Variants in ULK4 observed in about 807,000 individuals in gnomAD.
ULK4 encodes the protein unc-51 like kinase 4.
A neutral mutation model predicts 160.6 loss-of-function variants in ULK4; 133 were observed. The observed-to-expected ratio is 0.83, with a 90% confidence interval of 0.72 to 0.96. ULK4 has a LOEUF of 0.96. Ranked by LOEUF, ULK4 falls within the 40% of genes least tolerant of loss-of-function variation. The probability of loss-of-function intolerance (pLI) is 0.00; values close to 1 mark genes in which losing one functional copy is unlikely to be tolerated. For missense variants in ULK4, 1,580 were observed against 1,499.5 expected (o/e 1.05, Z -0.89); for synonymous variants, 534 against 539.8 (o/e 0.99, Z 0.15).
intron 21 of ULK4, among the ~76,000 whole-genome samples, chr3:41,773,906 G>C (rs1264924709): frequency 6.6e-6 from 1 of 152,152 alleles, no homozygotes; most frequent in Non-Finnish European, 1.5e-5. Context: ...AGAGCCCTCA[G>C]AAATAATGCC....
At chr3:41,794,660 CAAAAAAAAAA>C (rs71075484) in intron 20 of ULK4, among the ~76,000 whole-genome samples, 16 of 18,996 alleles carry the variant, frequency 8.4e-4, no homozygotes, top group Admixed American at 2.6e-3. Context: ...GACTCTGTCT[CAAAAAAAAAA>C]AAAAAAAAAA....
intron 17 of ULK4, among the ~76,000 whole-genome samples, chr3:41,858,206 A>AGC (rs1443980947): frequency 1.6e-5 from 2 of 128,914 alleles, no homozygotes; most frequent in Non-Finnish European, 3.1e-5. Flanking sequence ...GCTGGAGTGC[A>AGC]GCGGTGTGAT....
intron 32 of ULK4, among the ~76,000 whole-genome samples, chr3:41,532,314 TTTTA>T (rs2086347749): frequency 6.6e-6 from 1 of 152,312 alleles, no homozygotes; most frequent in South Asian, 2.1e-4. Context: ...TGTCTCAAGC[TTTTA>T]TTTAACAATC....
At chr3:41,422,971 C>G (rs1322981857) in intron 34 of ULK4, among the ~76,000 whole-genome samples, 1 of 152,078 alleles carries the variant, frequency 6.6e-6, no homozygotes, top group Non-Finnish European at 1.5e-5. Context: ...ATTGTACATT[C>G]ATACTATAAA....
rs185533235 is a variant in ULK4, at chr3:41,678,677, T to C, written c.2978+2831A>G. 3.4e-3 allele frequency among the ~76,000 whole-genome samples: 514 copies of C among 152,364 alleles called. 1 individual carries two copies. The highest frequency in any genetic ancestry group is 0.012 in the African/African-American group (498 of 41,580). The stretch of plus-strand genomic sequence containing the variant: ...GGTGCTATTGTTTGCAAATAAAGTC[T>C]TGACTAATACAATACTTCCCTGTGC... On this transcript the variant is annotated intron_variant, in intron 29 of 36. Transcript: ENST00000301831.
chr3:41,869,692 A>G (rs1329657428), intron 17 of ULK4, among the ~76,000 whole-genome samples: 1 of 152,230 alleles, frequency 6.6e-6, no homozygotes, highest in Non-Finnish European at 1.5e-5. Flanking sequence ...AACCCTTTGT[A>G]CAACTGCTGT....
rs149415540 is a variant in ULK4, at chr3:41,381,281, C to T, written c.3678+16798G>A. Among the ~76,000 whole-genome samples, 365 of 152,268 alleles carry T rather than the reference C, an allele frequency of 2.4e-3. 2 individuals are homozygous for T. The highest frequency in any genetic ancestry group is 0.015 in the East Asian group (78 of 5,156). ...CTTGATTCACTCTCCTCATTTTAAC[C>T]TATACCTGGTCACTACCATTAACTG... On this transcript the variant is annotated intron_variant, in intron 35 of 36. Transcript: ENST00000301831.
chr3:41,919,792 C>T lies in ULK4; in HGVS notation c.568G>A (p.Val190Ile). 6 of 1,614,054 alleles carry T rather than the reference C, an allele frequency of 3.7e-6. No homozygotes were observed. The highest frequency in any genetic ancestry group is 5.1e-6 in the Non-Finnish European group (6 of 1,179,946). Residue 190 changes from valine to isoleucine, a missense_variant, in exon 6 of 37, where the codon GTT (valine) becomes ATT (isoleucine). Val to Ile is a conservative substitution (Grantham distance 29, BLOSUM62 3). Coordinates refer to ENST00000301831, the MANE Select transcript of ULK4 (RefSeq NM_017886.4). ...KGSPVYTAPE[V>I]VRGADFSISS... ...ATGGAAAAGTCAGCACCCCTCACAA[C>T]TTCTGGTGCTGTATATACAGGAGAT...
At chr3:41,649,735 C>T (rs1424783776) in intron 30 of ULK4, among the ~76,000 whole-genome samples, 1 of 152,194 alleles carries the variant, frequency 6.6e-6, no homozygotes, top group South Asian at 2.1e-4. Flanking sequence ...AACAGCCTGG[C>T]CCACCATGGA....
At chr3:41,712,361 C>T (rs1407687023) in intron 25 of ULK4, among the ~76,000 whole-genome samples, 1 of 152,136 alleles carries the variant, frequency 6.6e-6, no homozygotes, top group Admixed American at 6.5e-5. Flanking sequence ...TCCACACCCA[C>T]CCCAAGGCAG....
intron 32 of ULK4, among the ~76,000 whole-genome samples, chr3:41,520,909 T>G (rs567124118): frequency 6.6e-6 from 1 of 152,336 alleles, no homozygotes; most frequent in South Asian, 2.1e-4. Flanking sequence ...ACTGGGTTAT[T>G]TGTTTTTCTC....
chr3:41,448,585 A>T (rs936633711), intron 34 of ULK4, among the ~76,000 whole-genome samples: 1 of 152,202 alleles, frequency 6.6e-6, no homozygotes, highest in Non-Finnish European at 1.5e-5. Flanking sequence ...ACCATGGAGA[A>T]GACAGTAGAG....
At position 41,689,972 on chromosome 3, in the gene ULK4, C is replaced by T. The variant is rs542282794; in HGVS notation, c.2782-8168G>A. On this transcript the variant is annotated intron_variant, in intron 27 of 36. Coordinates refer to ENST00000301831, the MANE Select transcript of ULK4 (RefSeq NM_017886.4). ...ACCCAAAGGATTATAAATCATGCTG[C>T]TATAAAGACACATGCACACGTATGT... Among the ~76,000 whole-genome samples, 764 of 148,704 alleles carry T rather than the reference C, an allele frequency of 5.1e-3. 4 individuals are homozygous for T. The highest frequency in any genetic ancestry group is 8.1e-3 in the Non-Finnish European group (551 of 67,814).
chr3:41,825,885 C>G (rs535633805), intron 18 of ULK4, among the ~76,000 whole-genome samples: 1 of 152,048 alleles, frequency 6.6e-6, no homozygotes, highest in African/African-American at 2.4e-5. Context: ...AAATGAAGAA[C>G]AAAATGTTAA....
chr3:41,712,589 T>C (rs969931085), intron 25 of ULK4, among the ~76,000 whole-genome samples: 1 of 152,222 alleles, frequency 6.6e-6, no homozygotes, highest in Non-Finnish European at 1.5e-5. Flanking sequence ...GATGTACCAG[T>C]AAGTCTTTCA....
intron 35 of ULK4, among the ~76,000 whole-genome samples, chr3:41,343,295 C>CTTTT (rs55691966): frequency 4.7e-4 from 40 of 85,336 alleles, no homozygotes; most frequent in African/African-American, 9.4e-4. Context: ...AGCCCAAAAA[C>CTTTT]TTTTTTTTTT....
At chr3:41,781,023 A>G (rs2039822362) in intron 21 of ULK4, among the ~76,000 whole-genome samples, 1 of 150,300 alleles carries the variant, frequency 6.7e-6, no homozygotes, top group Admixed American at 6.6e-5. Flanking sequence ...AGAGGCAGAA[A>G]GAGAGATTTA....
chr3:41,937,215 A>C (rs1699802333), intron 3 of ULK4: 1 of 530,382 alleles, frequency 1.9e-6, no homozygotes, highest in Admixed American at 3.2e-5. Flanking sequence ...CATGTTTTAC[A>C]GTTAGGATAT....
At chr3:41,868,251 T>A (rs1408778014) in intron 17 of ULK4, among the ~76,000 whole-genome samples, 3 of 152,192 alleles carry the variant, frequency 2.0e-5, no homozygotes, top group African/African-American at 7.2e-5. Context: ...TTTTCTTTCA[T>A]ATATTTTAAA....
Sources: allele counts gnomAD v4.1 joint callset (sites outside exome capture counted in the v4.1 genomes callset), GRCh38; gene constraint gnomAD v4.1.1; transcripts MANE v1.5; gene names NCBI Gene and HGNC (gene_info 2026-07-23, HGNC 2026-07-21).